Variants in PDZD2 observed in about 807,000 individuals in gnomAD.
PDZD2 encodes the protein PDZ domain containing 2.
PDZD2 carries 90 observed loss-of-function variants against 220.7 expected under a neutral mutation model. That is an observed-to-expected ratio of 0.41 (90% CI 0.34 to 0.49). The LOEUF (loss-of-function observed/expected upper bound fraction) is 0.49, where lower values mean the gene tolerates loss of function less well. Ranked by LOEUF, PDZD2 falls within the 20% of genes least tolerant of loss-of-function variation. The pLI, the probability that PDZD2 is intolerant of heterozygous loss-of-function variation, is 0.28. For synonymous variants in PDZD2, 1,375 were observed against 1,450.5 expected (o/e 0.95, Z 1.18); for missense variants, 3,174 against 3,608.5 (o/e 0.88, Z 3.08).
intron 1 of PDZD2, among the ~76,000 whole-genome samples, chr5:31,698,653 G>A (rs1165465134): frequency 2.6e-5 from 4 of 151,438 alleles, no homozygotes; most frequent in African/African-American, 4.8e-5. Context: ...CTGAATGTCC[G>A]CAAAGTGCTA....
chr5:32,009,343 C>CA (rs953152115), intron 5 of PDZD2, among the ~76,000 whole-genome samples: 34 of 148,974 alleles, frequency 2.3e-4, no homozygotes, highest in Non-Finnish European at 5.9e-5. Flanking sequence ...ACTCTTGTCT[C>CA]AAAAAAATAA....
At chr5:31,925,308 C>T (rs1744647995) in intron 2 of PDZD2, among the ~76,000 whole-genome samples, 1 of 152,034 alleles carries the variant, frequency 6.6e-6, no homozygotes, top group Admixed American at 6.5e-5. Flanking sequence ...GAAATAAAGC[C>T]ACACATCTAT....
At chr5:31,725,916 C>T in intron 1 of PDZD2, 1 of 684,890 alleles carries the variant, frequency 1.5e-6, no homozygotes, top group South Asian at 1.6e-5. Flanking sequence ...CAGGGCCGTT[C>T]CTCCAGCTGC....
At chr5:31,729,028 A>C (rs1749348976) in intron 1 of PDZD2, among the ~76,000 whole-genome samples, 1 of 150,934 alleles carries the variant, frequency 6.6e-6, no homozygotes, top group Admixed American at 6.6e-5. Context: ...CGCAATGTGC[A>C]TCTTCTATGG....
intron 2 of PDZD2, among the ~76,000 whole-genome samples, chr5:31,950,294 C>T (rs951357229): frequency 6.6e-6 from 1 of 152,114 alleles, no homozygotes; most frequent in African/African-American, 2.4e-5. Context: ...AGAGAATCTC[C>T]CCATGGCCCT....
At chr5:32,074,746 A>G in intron 18 of PDZD2, 103 bp downstream of exon 18, 2 of 712,664 alleles carry the variant, frequency 2.8e-6, no homozygotes, top group Non-Finnish European at 4.7e-6. Flanking sequence ...GTGGGAAAGG[A>G]TGATGGCTGG....
chr5:31,996,210 G>T (rs370696796), intron 4 of PDZD2, among the ~76,000 whole-genome samples: 2 of 152,108 alleles, frequency 1.3e-5, no homozygotes, highest in Non-Finnish European at 2.9e-5. Context: ...TATCTCTGTC[G>T]TGCAGATGTG....
intron 1 of PDZD2, among the ~76,000 whole-genome samples, chr5:31,730,595 GT>G (rs2150156250): frequency 6.8e-6 from 1 of 147,948 alleles, no homozygotes; most frequent in East Asian, 2.0e-4. Context: ...TGTGTGTGGT[GT>G]GTGTGTGTGT....
intron 8 of PDZD2, among the ~76,000 whole-genome samples, chr5:32,049,928 C>T (rs1738356201): frequency 6.6e-6 from 1 of 152,114 alleles, no homozygotes; most frequent in African/African-American, 2.4e-5. Context: ...GATGGCCTGT[C>T]AGTCGTTCTA....
rs1363614913 is a variant in PDZD2, at chr5:32,042,187, A to G, written c.1519+4845A>G. Among the ~76,000 whole-genome samples the G allele has an allele frequency of 7.1e-4, 107 of 151,618 alleles. 2 individuals carry two copies. The highest frequency in any genetic ancestry group is 6.9e-4 in the Non-Finnish European group (47 of 67,878). ...TGAGGCAGGAGAATGGCATGAATCC[A>G]GGAGGCGGAGCTTGCAGTGAGCCGA... On this transcript the variant is annotated intron_variant, in intron 7 of 24. Transcript: ENST00000438447.
intron 5 of PDZD2, among the ~76,000 whole-genome samples, chr5:32,003,901 G>A (rs1260930561): frequency 3.3e-5 from 5 of 152,026 alleles, no homozygotes; most frequent in Non-Finnish European, 2.9e-5. Flanking sequence ...TAGTAGAGAC[G>A]GGGTTTCGCC....
chr5:31,936,889 G>A (rs1450843633), intron 2 of PDZD2, among the ~76,000 whole-genome samples: 1 of 152,208 alleles, frequency 6.6e-6, no homozygotes, highest in East Asian at 1.9e-4. Flanking sequence ...GGCTGCCTCT[G>A]CTCGGCTTCT....
At chr5:31,948,889 A>G (rs192131517) in intron 2 of PDZD2, among the ~76,000 whole-genome samples, 1 of 152,082 alleles carries the variant, frequency 6.6e-6, no homozygotes, top group African/African-American at 2.4e-5. Flanking sequence ...GCCTGAGGTT[A>G]GGAGTTGAAG....
chr5:31,695,454 C>T (rs1747340132), intron 1 of PDZD2, among the ~76,000 whole-genome samples: 1 of 152,242 alleles, frequency 6.6e-6, no homozygotes, highest in Admixed American at 6.5e-5. Context: ...CTCAGTTTCA[C>T]TTACTTCAGT....
At chr5:31,883,433 C>T (rs149482528) in intron 2 of PDZD2, among the ~76,000 whole-genome samples, 1 of 151,738 alleles carries the variant, frequency 6.6e-6, no homozygotes, top group African/African-American at 2.4e-5. Context: ...GTTGGCCAGG[C>T]TGGTCTCAAA....
rs1745087000 is a variant in PDZD2 at position 32,108,949 on chromosome 5, C to T, written c.*814C>T. 6.6e-6 allele frequency: 1 copy of T among 152,652 alleles called. No individual in the cohort carries two copies. The highest frequency in any genetic ancestry group is 2.4e-5 in the African/African-American group (1 of 41,464). The allele number at this position is 152,652 out of a possible 1,614,324, so 9.5% of individuals were successfully genotyped here. On this transcript the variant is annotated 3_prime_UTR_variant, in exon 25 of 25. Transcript: ENST00000438447. ...TTAGAGGGAGCAGAAAGGTCAACATCTAAAAGCACCTTACAACTAGTTTTT... is the reference window on the plus strand; with the variant it reads ...TTAGAGGGAGCAGAAAGGTCAACATTTAAAAGCACCTTACAACTAGTTTTT...
intron 2 of PDZD2, among the ~76,000 whole-genome samples, chr5:31,917,710 A>G (rs1174196794): frequency 6.6e-6 from 1 of 152,112 alleles, no homozygotes; most frequent in Non-Finnish European, 1.5e-5. Flanking sequence ...TAATTGGCCC[A>G]CAGTTCTGCA....
In PDZD2 at chr5:31,646,648, T is replaced by C. The variant is rs368429759; in HGVS notation, c.-361+7211T>C. On this transcript the variant is annotated intron_variant, in intron 1 of 24. Transcript: ENST00000438447. This position sits in a 1 kb window ranked among gnomAD's most constrained non-coding sequence, Gnocchi z 4.7. ...TCTGGCACAGTGTGTTTTATGGAGA[T>C]TTGGGTAAAACTAGATTGTGCTATA... 2.6e-5 allele frequency among the ~76,000 whole-genome samples: 4 copies of C among 152,206 alleles called. No individual in the cohort carries two copies. Among genetic ancestry groups the C allele is most frequent in the South Asian group, 4.2e-4 (2 of 4,816 alleles).
intron 2 of PDZD2, among the ~76,000 whole-genome samples, chr5:31,933,874 C>T (rs1235182249): frequency 6.6e-6 from 1 of 152,154 alleles, no homozygotes. Context: ...GAAGGCAGAG[C>T]CCCAGATGCC....
Sources: gnomAD v4.1 joint callset for allele counts (sites outside exome capture counted in the v4.1 genomes callset) on GRCh38, gnomAD v4.1.1 for gene constraint, Gnocchi (gnomAD v3.1) non-coding constraint, MANE v1.5 for transcripts, NCBI Gene and HGNC (gene_info 2026-07-23, HGNC 2026-07-21) for gene names.